The following ACACA variants were observed in gnomAD, a reference collection of about 807,000 sequenced individuals.
The protein encoded by ACACA is acetyl-CoA carboxylase alpha, also known as acetyl-CoA carboxylase 1.
ACACA carries 103 observed loss-of-function variants against 296.1 expected under a neutral mutation model. The ratio of observed to expected loss-of-function variants is 0.35; its 90% CI spans 0.30 to 0.41. The LOEUF is 0.41. ACACA is among the 10% of genes least tolerant of loss of function. ACACA has a pLI of 1.00. For missense variants in ACACA, 1,554 were observed against 2,989.7 expected, an observed-to-expected ratio of 0.52 and a Z score of 11.20; for synonymous variants, 953 against 1,038.6, an observed-to-expected ratio of 0.92 and a Z score of 1.58.
intron 50 of ACACA, among the ~76,000 whole-genome samples, chr17:37,118,493 C>A (rs972021151): frequency 3.3e-5 from 5 of 152,174 alleles, no homozygotes; most frequent in Admixed American, 6.5e-5. Context: ...CCAAGGACAT[C>A]CCCAAAGTAG....
At chr17:37,379,462 A>G in intron 1 of ACACA, 1 of 1,469,088 alleles carries the variant, frequency 6.8e-7, no homozygotes, top group East Asian at 2.3e-5. Flanking sequence ...CCGTAGCAGG[A>G]AAAGCTACAA....
rs756875275 is a variant in ACACA, at chr17:37,087,075, G to A, written c.*241C>T. Reference sequence around the variant, plus strand: ...TTCTCAGTCCTGTGCAGGGAGTGGAGGACTAGGCCTGGCCAGGGTAATAAA... The same window carrying A: ...TTCTCAGTCCTGTGCAGGGAGTGGAAGACTAGGCCTGGCCAGGGTAATAAA... On this transcript the variant is annotated 3_prime_UTR_variant, in exon 56 of 56. Transcript: ENST00000616317. The A allele has an allele frequency of 3.3e-6, 2 of 609,386 alleles. No individual in the cohort carries two copies. Among genetic ancestry groups the A allele is most frequent in the Non-Finnish European group, 5.9e-6 (2 of 341,456 alleles). The allele number at this position is 609,386 out of a possible 1,614,324, so 37.7% of individuals were successfully genotyped here. A position where few individuals can be genotyped will look rare whatever the true frequency, so the allele number is the denominator to read the frequency against.
intron 23 of ACACA, 125 bp from the exon 24 acceptor site, chr17:37,240,689 C>A: frequency 1.3e-6 from 1 of 745,538 alleles, no homozygotes; most frequent in Non-Finnish European, 2.3e-6. Context: ...TAAAGAACAG[C>A]CTAAAATGAA....
intron 39 of ACACA, 108 bp downstream of exon 39, chr17:37,188,169 A>T: frequency 9.3e-7 from 1 of 1,075,124 alleles, no homozygotes. Context: ...GGATAATCCC[A>T]CCAGGTGAAC....
Position 37,390,140 on chromosome 17 carries a change from GTATATATATA to G in ACACA, c.38+16112_38+16121del, listed in dbSNP as rs1243535532. Among the ~76,000 whole-genome samples the G allele has an allele frequency of 3.1e-3, 107 of 34,628 alleles. 1 individual carries two copies. The highest frequency in any genetic ancestry group is 9.9e-3 in the African/African-American group (68 of 6,862). The allele number at this position is 34,628 out of a possible 152,430, so 22.7% of individuals were successfully genotyped here. On this transcript the variant is annotated intron_variant, in intron 1 of 55. Coordinates refer to ENST00000616317, the MANE Select transcript of ACACA (RefSeq NM_198834.3). ...GACACTGTCTCTATTAAAAAAAAAA[GTATATATATA>G]TATATATATATATATATATATATAT...
At chr17:37,265,596 G>A (rs576086312) in intron 10 of ACACA, among the ~76,000 whole-genome samples, 1 of 152,154 alleles carries the variant, frequency 6.6e-6, no homozygotes, top group East Asian at 1.9e-4. Flanking sequence ...TGAGACTGCT[G>A]TTCAAAGAGG....
At chr17:37,142,273 C>G (rs188822241) in intron 45 of ACACA, among the ~76,000 whole-genome samples, 3 of 152,236 alleles carry the variant, frequency 2.0e-5, no homozygotes, top group Non-Finnish European at 4.4e-5. Context: ...CGATTCCACC[C>G]TGCAAGATCT....
intron 23 of ACACA, among the ~76,000 whole-genome samples, chr17:37,241,681 G>T (rs1430259620): frequency 6.6e-6 from 1 of 151,844 alleles, no homozygotes; most frequent in Non-Finnish European, 1.5e-5. Flanking sequence ...CACTCCAGTC[G>T]GGGCAACAGA....
intron 33 of ACACA, among the ~76,000 whole-genome samples, chr17:37,202,158 C>T (rs954852095): frequency 1.4e-4 from 22 of 152,250 alleles, no homozygotes; most frequent in African/African-American, 5.1e-4. Flanking sequence ...CTTCTTCTGA[C>T]ATCAACAAAG....
chr17:37,361,228 G>A (rs1020014842), intron 1 of ACACA, among the ~76,000 whole-genome samples: 1 of 151,850 alleles, frequency 6.6e-6, no homozygotes, highest in Admixed American at 6.6e-5. Flanking sequence ...TAGTAGAGAC[G>A]GGGTTTCACC....
intron 48 of ACACA, among the ~76,000 whole-genome samples, chr17:37,124,444 T>A (rs2074677983): frequency 6.6e-6 from 1 of 152,218 alleles, no homozygotes; most frequent in Admixed American, 6.5e-5. Flanking sequence ...AGACTTAAAA[T>A]CTGTCATGTT....
At chr17:37,371,381 A>G (rs2049801414) in intron 1 of ACACA, among the ~76,000 whole-genome samples, 1 of 151,950 alleles carries the variant, frequency 6.6e-6, no homozygotes, top group Non-Finnish European at 1.5e-5. Context: ...CCCGGCTGAT[A>G]GTTCAATGAT....
chr17:37,219,602 G>T (rs2145622485), intron 29 of ACACA, among the ~76,000 whole-genome samples: 1 of 151,750 alleles, frequency 6.6e-6, no homozygotes, highest in East Asian at 1.9e-4. Context: ...ACCAGCTGGT[G>T]TCATAATAAG....
At chr17:37,126,397 T>G (rs1379443754) in intron 47 of ACACA, among the ~76,000 whole-genome samples, 2 of 152,186 alleles carry the variant, frequency 1.3e-5, no homozygotes, top group African/African-American at 4.8e-5. Context: ...TCTTGACAGA[T>G]AGTAAAAATA....
intron 3 of ACACA, among the ~76,000 whole-genome samples, chr17:37,315,084 G>A (rs942419329): frequency 1.4e-5 from 2 of 145,710 alleles, no homozygotes; most frequent in Middle Eastern, 4.2e-3. Flanking sequence ...TCAGCCTCCC[G>A]AGTAGCTGGG....
At chr17:37,364,077 C>G (rs757854770) in intron 1 of ACACA, among the ~76,000 whole-genome samples, 1 of 150,706 alleles carries the variant, frequency 6.6e-6, no homozygotes, top group Non-Finnish European at 1.5e-5. Flanking sequence ...GAGCCGAGAT[C>G]GTGCCACTGC....
At chr17:37,095,688 A>G (rs1478527796) in intron 54 of ACACA, among the ~76,000 whole-genome samples, 1 of 152,258 alleles carries the variant, frequency 6.6e-6, no homozygotes, top group African/African-American at 2.4e-5. Flanking sequence ...AGAAAGACAG[A>G]CAAATATATT....
chr17:37,355,427 G>A (rs1334244934), intron 1 of ACACA, among the ~76,000 whole-genome samples: 5 of 150,848 alleles, frequency 3.3e-5, no homozygotes, highest in Non-Finnish European at 7.4e-5. Context: ...GTGGTGGCAG[G>A]CGCCTGTAAT....
intron 1 of ACACA, among the ~76,000 whole-genome samples, chr17:37,370,213 C>T (rs935554968): frequency 6.6e-6 from 1 of 151,666 alleles, no homozygotes; most frequent in African/African-American, 2.4e-5. Flanking sequence ...ACCATGTTGG[C>T]CAGGCTGATC....
Sources: allele counts gnomAD v4.1 joint callset (sites outside exome capture counted in the v4.1 genomes callset), GRCh38; gene constraint gnomAD v4.1.1; transcripts MANE v1.5; gene names NCBI Gene and HGNC (gene_info 2026-07-23, HGNC 2026-07-21).